The following GABBR2 variants were observed in gnomAD, a reference collection of about 807,000 sequenced individuals.
GABBR2 encodes the protein gamma-aminobutyric acid type B receptor subunit 2.
GABBR2 carries 23 observed loss-of-function variants against 105.6 expected under a neutral mutation model. That is an observed-to-expected ratio of 0.22 (90% CI 0.16 to 0.31). The LOEUF (loss-of-function observed/expected upper bound fraction) is 0.31. Among genes scored for constraint, GABBR2 ranks in the 10% least tolerant of loss-of-function variants. GABBR2 has a pLI of 1.00. For missense variants in GABBR2, 734 were observed against 1,245.5 expected, an observed-to-expected ratio of 0.59 and a Z score of 6.18; for synonymous variants, 478 against 499.7, an observed-to-expected ratio of 0.96 and a Z score of 0.58.
At chr9:98,464,917 C>T (rs1826513358) in intron 6 of GABBR2, among the ~76,000 whole-genome samples, 1 of 151,910 alleles carries the variant, frequency 6.6e-6, no homozygotes, top group Non-Finnish European at 1.5e-5. Flanking sequence ...TGCTTGAAGG[C>T]AGCATGCTCG....
At chr9:98,578,095 A>G (rs762292451) in intron 1 of GABBR2, 23 bp from the exon 2 acceptor site, 1 of 1,612,626 alleles carries the variant, frequency 6.2e-7, no homozygotes, top group East Asian at 2.2e-5. Context: ...ACATAGAAAG[A>G]AAGGTCCAAA....
intron 1 of GABBR2, among the ~76,000 whole-genome samples, chr9:98,597,377 G>A (rs1054560556): frequency 1.3e-5 from 2 of 152,230 alleles, no homozygotes; most frequent in Non-Finnish European, 2.9e-5. Flanking sequence ...ACAGCAGCCA[G>A]AAATAATAAT....
At chr9:98,624,761 G>A (rs911951182) in intron 1 of GABBR2, among the ~76,000 whole-genome samples, 1 of 152,190 alleles carries the variant, frequency 6.6e-6, no homozygotes, top group East Asian at 1.9e-4. Flanking sequence ...CGCTGAGGCC[G>A]GCTGCTGGCA....
In GABBR2 at chr9:98,489,902, G is replaced by A. The variant is rs530567402; in HGVS notation, c.732+6511C>T. Among the ~76,000 whole-genome samples, 58 of 152,312 alleles carry A rather than the reference G, an allele frequency of 3.8e-4. 1 individual carries two copies. The Middle Eastern group carries it at 0.014, about 36-fold the overall frequency. On this transcript the variant is annotated intron_variant, in intron 4 of 18. Coordinates refer to ENST00000259455, the MANE Select transcript of GABBR2 (RefSeq NM_005458.8). ...AAGGTCAGGAGTTTGAGACCAGCCT[G>A]GCCAACATGGTAAAACACCATCTCT...
At chr9:98,483,076 C>T (rs1251054445) in intron 4 of GABBR2, among the ~76,000 whole-genome samples, 2 of 152,184 alleles carry the variant, frequency 1.3e-5, no homozygotes, top group Admixed American at 6.5e-5. Context: ...TGGATTCTCT[C>T]AGGCACCTCC....
rs1362665157 is a variant in GABBR2, at chr9:98,325,323, G to A, written c.1894-14118C>T. On this transcript the variant is annotated intron_variant, in intron 13 of 18. Transcript: ENST00000259455. Reference sequence around the variant, plus strand: ...TTTTTTTTTTTTGAGACAGAGTCTTGCTCTGTCACCCAGGCTGGAGTGCAG... The same window carrying A: ...TTTTTTTTTTTTGAGACAGAGTCTTACTCTGTCACCCAGGCTGGAGTGCAG... 1.2e-4 allele frequency among the ~76,000 whole-genome samples: 12 copies of A among 104,060 alleles called. No individual in the cohort carries two copies. The Admixed American group carries it at 1.7e-3, about 14-fold the overall frequency. 68.3% of individuals were successfully genotyped at this position (104,060 alleles called of 152,430 possible). A position where few individuals can be genotyped will look rare whatever the true frequency, so the allele number is the denominator to read the frequency against.
chr9:98,611,336 G>GC (rs35131500), intron 1 of GABBR2, among the ~76,000 whole-genome samples: 38,904 of 151,996 alleles, frequency 0.26, 5,131 homozygotes, highest in South Asian at 0.31. Flanking sequence ...GTCTCCTTCA[G>GC]CATGGAGCCA....
intron 2 of GABBR2, among the ~76,000 whole-genome samples, chr9:98,543,080 CT>C (rs1251845238): frequency 6.6e-6 from 1 of 152,000 alleles, no homozygotes; most frequent in Non-Finnish European, 1.5e-5. Context: ...GTCCATCGTT[CT>C]CTTTATTATT....
chr9:98,600,961 C>A (rs1829322246), intron 1 of GABBR2, among the ~76,000 whole-genome samples: 2 of 152,142 alleles, frequency 1.3e-5, no homozygotes, highest in Admixed American at 1.3e-4. Context: ...CTTTCATGGC[C>A]CTCTGGTCCC....
At chr9:98,359,854 T>C (rs1473159346) in intron 13 of GABBR2, among the ~76,000 whole-genome samples, 1 of 152,086 alleles carries the variant, frequency 6.6e-6, no homozygotes, top group East Asian at 1.9e-4. Flanking sequence ...GAGTCCTGAC[T>C]GGGGAATGTT....
intron 1 of GABBR2, among the ~76,000 whole-genome samples, chr9:98,656,897 G>A (rs1422199514): frequency 6.6e-6 from 1 of 152,188 alleles, no homozygotes; most frequent in Non-Finnish European, 1.5e-5. Flanking sequence ...CAGGCAGCTG[G>A]GTAGGGGTGC....
chr9:98,589,707 C>T (rs1349069140), intron 1 of GABBR2, among the ~76,000 whole-genome samples: 1 of 146,234 alleles, frequency 6.8e-6, no homozygotes, highest in Admixed American at 7.0e-5. Context: ...CTGAGTTTGG[C>T]TGTCTTTTTT....
chr9:98,394,551 T>C (rs898380998), intron 8 of GABBR2, among the ~76,000 whole-genome samples: 5 of 152,236 alleles, frequency 3.3e-5, no homozygotes, highest in African/African-American at 1.2e-4. Context: ...TTCTTCCTGG[T>C]CACTGAGCTG....
intron 1 of GABBR2, among the ~76,000 whole-genome samples, chr9:98,615,016 T>C (rs1011042956): frequency 2.0e-5 from 3 of 152,152 alleles, no homozygotes; most frequent in African/African-American, 7.2e-5. Context: ...AAATCCTTCA[T>C]CTCCCTCTGT....
At chr9:98,554,555 A>G (rs1203442641) in intron 2 of GABBR2, among the ~76,000 whole-genome samples, 2 of 152,204 alleles carry the variant, frequency 1.3e-5, no homozygotes, top group Non-Finnish European at 2.9e-5. Context: ...TCTATTATCA[A>G]ATAGAAACTA....
intron 3 of GABBR2, among the ~76,000 whole-genome samples, chr9:98,532,942 C>T (rs554891353): frequency 1.3e-5 from 2 of 152,320 alleles, no homozygotes; most frequent in South Asian, 4.1e-4. Context: ...CATCTATAAG[C>T]AAGCACGTGG....
intron 13 of GABBR2, among the ~76,000 whole-genome samples, chr9:98,346,029 T>A (rs1334789291): frequency 6.6e-6 from 1 of 152,234 alleles, no homozygotes; most frequent in Non-Finnish European, 1.5e-5. Context: ...ATCTGAGCCT[T>A]CAGTGAGTGG....
chr9:98,641,740 C>G (rs534506782), intron 1 of GABBR2, among the ~76,000 whole-genome samples: 3 of 152,268 alleles, frequency 2.0e-5, no homozygotes, highest in Admixed American at 2.0e-4. Flanking sequence ...GTTTCTGTGT[C>G]TGCTTCCCCC....
At chr9:98,643,680 TAATCCATGTGAG>T (rs1829996495) in intron 1 of GABBR2, among the ~76,000 whole-genome samples, 1 of 152,210 alleles carries the variant, frequency 6.6e-6, no homozygotes, top group Non-Finnish European at 1.5e-5. Context: ...CTTCCACCCT[TAATCCATGTGAG>T]CCAACTGTAT....
Sources: gnomAD v4.1 joint callset for allele counts (sites outside exome capture counted in the v4.1 genomes callset) on GRCh38, gnomAD v4.1.1 for gene constraint, MANE v1.5 for transcripts, NCBI Gene and HGNC (gene_info 2026-07-23, HGNC 2026-07-21) for gene names.